TSPAN32: variants seen among roughly 807,000 people sequenced by gnomAD.
TSPAN32 encodes the protein tetraspanin 32, also known as tetraspanin-32.
TSPAN32 carries 47 observed loss-of-function variants against 42.7 expected under a neutral mutation model. The observed-to-expected ratio is 1.10, with a 90% CI of 0.87 to 1.40. TSPAN32 has a LOEUF of 1.40. TSPAN32 is among the 40% of genes most tolerant of loss of function. TSPAN32 has a pLI of 0.00. For missense variants in TSPAN32, 469 were observed against 424.1 expected, an observed-to-expected ratio of 1.11 and a Z score of -0.93; for synonymous variants, 175 against 175.9, an observed-to-expected ratio of 0.99 and a Z score of 0.04.
intron 3 of TSPAN32, among the ~76,000 whole-genome samples, chr11:2,306,741 G>C (rs574390088): frequency 6.8e-6 from 1 of 147,702 alleles, no homozygotes; most frequent in Non-Finnish European, 1.5e-5. Context: ...GGAGGAGGAC[G>C]AAGAAGGAGG....
intron 3 of TSPAN32, among the ~76,000 whole-genome samples, chr11:2,306,540 G>T (rs1047150999): frequency 7.7e-6 from 1 of 129,998 alleles, no homozygotes; most frequent in Non-Finnish European, 1.7e-5. Flanking sequence ...GGTTGGTGGT[G>T]GGGGGAGAGA....
At chr11:2,308,231 C>T (rs1216940607) in intron 3 of TSPAN32, among the ~76,000 whole-genome samples, 1 of 152,122 alleles carries the variant, frequency 6.6e-6, no homozygotes, top group Non-Finnish European at 1.5e-5. Flanking sequence ...AACCCACGCA[C>T]CCAGCGCCCA....
rs771421230 is a variant in TSPAN32, at chr11:2,316,311, C to T, written c.626C>T (p.Thr209Met). The change falls in exon 7 of 10, where the codon ACG becomes ATG. Residue 209 changes from threonine (T) to methionine (M), a missense_variant and splice_region_variant. Physicochemically the swap from Thr to Met is moderately conservative, Grantham distance 81 (BLOSUM62 -1). Coordinates refer to ENST00000182290, the MANE Select transcript of TSPAN32 (RefSeq NM_139022.3). ...SSLTSIGLALTVSALLFSSFL... is the reference protein window; with the variant it reads ...SSLTSIGLALMVSALLFSSFL... ...CTGACCAGCATCGGCCTGGCCCTCACGGTACCCTCTCGCCTCCCTCACTGC... is the reference window on the plus strand; with the variant it reads ...CTGACCAGCATCGGCCTGGCCCTCATGGTACCCTCTCGCCTCCCTCACTGC... 16 of 1,597,554 alleles carry T rather than the reference C, an allele frequency of 1.0e-5. No homozygotes were observed. Among genetic ancestry groups the T allele is most frequent in the Middle Eastern group, 1.7e-4 (1 of 6,044 alleles).
intron 6 of TSPAN32, chr11:2,314,855 C>T (rs755158983): frequency 2.9e-4 from 136 of 466,886 alleles, no homozygotes; most frequent in Non-Finnish European, 4.9e-4. Flanking sequence ...CTCCTTCAAG[C>T]CAGTTCCAGC....
Position 2,313,646 on chromosome 11 carries a change from C to A in TSPAN32, c.355-8C>A. On this transcript the variant is annotated splice_polypyrimidine_tract_variant and splice_region_variant and intron_variant, in intron 4 of 9. Transcript: ENST00000182290. This position sits in a 1 kb window ranked among gnomAD's most constrained non-coding sequence, Gnocchi z 9.1. ...GGGCCAGGACCTCCCTGTGGTCTCTCGGTGCAGGTGGAGGACGCCATGCTG... is the reference window on the plus strand; with the variant it reads ...GGGCCAGGACCTCCCTGTGGTCTCTAGGTGCAGGTGGAGGACGCCATGCTG... 1 of 1,595,744 alleles carries A rather than the reference C, an allele frequency of 6.3e-7. No homozygotes were observed. Among genetic ancestry groups the A allele is most frequent in the Non-Finnish European group, 8.5e-7 (1 of 1,171,760 alleles).
intron 4 of TSPAN32, among the ~76,000 whole-genome samples, chr11:2,309,054 C>T (rs1237038461): frequency 2.0e-5 from 3 of 152,006 alleles, no homozygotes; most frequent in Non-Finnish European, 4.4e-5. Context: ...CCCCTGCCTT[C>T]GCCCCAGTCT....
intron 3 of TSPAN32, among the ~76,000 whole-genome samples, chr11:2,305,376 C>CCA (rs1554938625): frequency 6.7e-6 from 1 of 150,340 alleles, no homozygotes; most frequent in African/African-American, 2.4e-5. Flanking sequence ...GTCTGCCCCC[C>CCA]CCCCCAGAGG....
rs1451061738 is a variant in TSPAN32, at chr11:2,315,664, C to T, written c.544-565C>T. 18 of 1,190,922 alleles carry T rather than the reference C, an allele frequency of 1.5e-5. No homozygotes were observed. In the Admixed American group the frequency reaches 4.2e-4, roughly 28 times the overall value. The allele number at this position is 1,190,922 out of a possible 1,614,324, so 73.8% of individuals were successfully genotyped here. A position where few individuals can be genotyped will look rare whatever the true frequency, so the allele number is the denominator to read the frequency against. Reference sequence around the variant, plus strand: ...ACCCTGCGGAGGCCTCCACAGGCCGCCCCAGTTGCCATCATCTCCAGGGTT... The same window carrying T: ...ACCCTGCGGAGGCCTCCACAGGCCGTCCCAGTTGCCATCATCTCCAGGGTT... On this transcript the variant is annotated intron_variant, in intron 6 of 9. Coordinates refer to ENST00000182290, the MANE Select transcript of TSPAN32 (RefSeq NM_139022.3).
In TSPAN32 at chr11:2,317,539, T is replaced by C. The variant is rs1215902419; in HGVS notation, c.901+14T>C. Reference sequence around the variant, plus strand: ...CTGCCCACAGAGGTGAAGACGCCCCTGCTGTCAGCCCTCATGGGATCCCTG... The same window carrying C: ...CTGCCCACAGAGGTGAAGACGCCCCCGCTGTCAGCCCTCATGGGATCCCTG... On this transcript the variant is annotated intron_variant, in intron 9 of 9. Coordinates refer to ENST00000182290, the MANE Select transcript of TSPAN32 (RefSeq NM_139022.3). The surrounding 1 kb of genome is among the most constrained non-coding windows in gnomAD (Gnocchi z 6.2). The C allele has an allele frequency of 9.6e-6, 15 of 1,563,606 alleles. No homozygotes were observed. Among genetic ancestry groups the C allele is most frequent in the Non-Finnish European group, 1.1e-5 (13 of 1,158,292 alleles).
At chr11:2,315,831 C>A in intron 6 of TSPAN32, 1 of 1,353,042 alleles carries the variant, frequency 7.4e-7, no homozygotes, top group African/African-American at 1.5e-5. Flanking sequence ...AGCTGGCTTC[C>A]TGCCCTCCCT....
chr11:2,315,429 GGA>G, intron 6 of TSPAN32: 1 of 1,136,504 alleles, frequency 8.8e-7, no homozygotes, highest in Non-Finnish European at 1.1e-6. Context: ...TGCCACCCAA[GGA>G]GAGACTGAAA....
At chr11:2,305,378 C>CA (rs74523869) in intron 3 of TSPAN32, among the ~76,000 whole-genome samples, 6,288 of 151,516 alleles carry the variant, frequency 0.042, 254 homozygotes, top group Admixed American at 0.075. Flanking sequence ...CTGCCCCCCC[C>CA]CCCAGAGGGT....
rs1239329800 is a variant in TSPAN32 at position 2,317,366 on chromosome 11, G to A, written c.742G>A (p.Glu248Lys). 1 of 1,595,794 alleles carries A rather than the reference G, an allele frequency of 6.3e-7. No homozygotes were observed. The highest frequency in any genetic ancestry group is 8.5e-7 in the Non-Finnish European group (1 of 1,171,230). The change falls in exon 9 of 10, where the codon GAG becomes AAG. Residue 248 changes from glutamate (E) to lysine (K), a missense_variant. Transcript: ENST00000182290. The surrounding 1 kb of genome is among the most constrained non-coding windows in gnomAD (Gnocchi z 6.2). ...TPRACGRQPQEPSLLRCSQGG... is the reference protein window; with the variant it reads ...TPRACGRQPQKPSLLRCSQGG... Reference sequence around the variant, plus strand: ...CAGAGCATGTGGCCGCCAGCCCCAGGAGCCCAGCCTCTTGAGATGCTCCCA... The same window carrying A: ...CAGAGCATGTGGCCGCCAGCCCCAGAAGCCCAGCCTCTTGAGATGCTCCCA...
intron 5 of TSPAN32, among the ~76,000 whole-genome samples, chr11:2,314,241 T>A (rs958357613): frequency 8.6e-5 from 13 of 151,906 alleles, no homozygotes; most frequent in Non-Finnish European, 1.3e-4. Context: ...GGAAGCTGCC[T>A]GGCTCCAGCA....
Position 2,302,946 on chromosome 11 carries a change from G to C in TSPAN32, c.169G>C (p.Val57Leu), listed in dbSNP as rs962413702. 1.1e-5 allele frequency: 17 copies of C among 1,613,344 alleles called. No individual in the cohort carries two copies. The highest frequency in any genetic ancestry group is 2.2e-5 in the South Asian group (2 of 91,090). Residue 57 changes from valine (V) to leucine (L), a missense_variant, in exon 2 of 10, where the codon GTG (valine) becomes CTG (leucine). By Grantham distance (32) the Val-to-Leu change is conservative. Coordinates refer to ENST00000182290, the MANE Select transcript of TSPAN32 (RefSeq NM_139022.3). The stretch of plus-strand genomic sequence containing the variant: ...CCTGGAGAAGAACCCGTACCAGGCT[G>C]TGCACCAATGGGGTAAGTGAGGTCC... ...ASLEKNPYQA[V>L]HQWAFSAGLS...
intron 6 of TSPAN32, 76 bp from the exon 7 acceptor site, chr11:2,316,153 A>G (rs1415925756): frequency 1.3e-6 from 2 of 1,515,392 alleles, no homozygotes; most frequent in Admixed American, 2.0e-5. Flanking sequence ...CTGCAGCTCC[A>G]TGGCCCCACA....
At chr11:2,306,417 A>G (rs1259492410) in intron 3 of TSPAN32, among the ~76,000 whole-genome samples, 1 of 152,040 alleles carries the variant, frequency 6.6e-6, no homozygotes, top group Non-Finnish European at 1.5e-5. Context: ...ATTTAGAATG[A>G]GGAGAAAGAA....
Position 2,310,709 on chromosome 11 carries a change from G to A in TSPAN32, c.354+1899G>A, listed in dbSNP as rs532623820. On this transcript the variant is annotated intron_variant, in intron 4 of 9. Coordinates refer to ENST00000182290, the MANE Select transcript of TSPAN32 (RefSeq NM_139022.3). Reference sequence around the variant, plus strand: ...GTGAAGGGAGCACCAAGATCCAGGGGCTGCATGGGTGGGAATGGCCAGGTG... The same window carrying A: ...GTGAAGGGAGCACCAAGATCCAGGGACTGCATGGGTGGGAATGGCCAGGTG... 3.3e-5 allele frequency among the ~76,000 whole-genome samples: 5 copies of A among 152,350 alleles called. No individual in the cohort carries two copies. In the South Asian group the frequency reaches 1.0e-3, roughly 32 times the overall value.
chr11:2,314,859 T>G, intron 6 of TSPAN32: 1 of 456,432 alleles, frequency 2.2e-6, no homozygotes, highest in Non-Finnish European at 4.0e-6. Flanking sequence ...TTCAAGCCAG[T>G]TCCAGCCTGG....
Sources: gnomAD v4.1 joint callset for allele counts (sites outside exome capture counted in the v4.1 genomes callset) on GRCh38, gnomAD v4.1.1 for gene constraint, Gnocchi (gnomAD v3.1) non-coding constraint, MANE v1.5 for transcripts, NCBI Gene and HGNC (gene_info 2026-07-23, HGNC 2026-07-21) for gene names.